FAM13A: variants seen among roughly 807,000 people sequenced by gnomAD.
FAM13A encodes the protein family with sequence similarity 13 member A.
A neutral mutation model predicts 129.6 loss-of-function variants in FAM13A; 76 were observed. The ratio of observed to expected loss-of-function variants is 0.59; its 90% CI spans 0.49 to 0.71. FAM13A has a LOEUF of 0.71. FAM13A is among the 30% of genes least tolerant of loss of function. FAM13A has a pLI of 0.00. For missense variants in FAM13A, 1,108 were observed against 1,249.3 expected (o/e 0.89, Z 1.70); for synonymous variants, 443 against 449.9 (o/e 0.98, Z 0.20).
At chr4:88,877,460 T>C (rs564648391) in intron 6 of FAM13A, among the ~76,000 whole-genome samples, 4 of 152,202 alleles carry the variant, frequency 2.6e-5, no homozygotes, top group East Asian at 1.9e-4. Context: ...GCCTGAATTA[T>C]TGTAGAAAGT....
rs1461124846 is a variant in FAM13A at position 88,727,570 on chromosome 4, T to A, written c.*963A>T. Reference sequence around the variant, plus strand: ...AAAAAAATTAAACTCTGGTAAGTACTCAGGAGGCTGAGAACACAGGCCCCT... The same window carrying A: ...AAAAAAATTAAACTCTGGTAAGTACACAGGAGGCTGAGAACACAGGCCCCT... On this transcript the variant is annotated 3_prime_UTR_variant, in exon 24 of 24. Coordinates refer to ENST00000264344, the MANE Select transcript of FAM13A (RefSeq NM_014883.4). The A allele has an allele frequency of 6.6e-6, 1 of 152,550 alleles. No homozygotes were observed. Among genetic ancestry groups the A allele is most frequent in the Non-Finnish European group, 1.5e-5 (1 of 68,054 alleles). The allele number at this position is 152,550 out of a possible 1,614,324, so 9.4% of individuals were successfully genotyped here.
intron 7 of FAM13A, among the ~76,000 whole-genome samples, chr4:88,812,873 T>C (rs1236799040): frequency 6.6e-6 from 1 of 152,196 alleles, no homozygotes. Context: ...TGATTAAATA[T>C]TTTGAAAACA....
chr4:88,874,443 C>A (rs1473739626), intron 6 of FAM13A, among the ~76,000 whole-genome samples: 1 of 152,184 alleles, frequency 6.6e-6, no homozygotes, highest in Non-Finnish European at 1.5e-5. Flanking sequence ...TCAGCAAAGT[C>A]TCTGGATACA....
intron 4 of FAM13A, among the ~76,000 whole-genome samples, chr4:88,981,872 T>C (rs776215126): frequency 1.1e-4 from 16 of 152,242 alleles, no homozygotes; most frequent in Non-Finnish European, 1.9e-4. Context: ...CTGACTCTTA[T>C]TTAACTGTTC....
chr4:88,845,909 T>TTGAAAAG (rs1363307011), intron 7 of FAM13A, among the ~76,000 whole-genome samples: 1 of 152,240 alleles, frequency 6.6e-6, no homozygotes, highest in East Asian at 1.9e-4. Flanking sequence ...TTAATATACA[T>TTGAAAAG]TGAAAAGTGA....
intron 7 of FAM13A, among the ~76,000 whole-genome samples, chr4:88,827,008 G>A (rs143352680): frequency 5.3e-5 from 8 of 152,178 alleles, no homozygotes; most frequent in Non-Finnish European, 1.0e-4. Flanking sequence ...CCCACTTACA[G>A]ACTTCCCCCA....
At chr4:89,034,868 T>C (rs1367315642) in intron 1 of FAM13A, among the ~76,000 whole-genome samples, 3 of 151,878 alleles carry the variant, frequency 2.0e-5, no homozygotes, top group Non-Finnish European at 2.9e-5. Flanking sequence ...GGTGACAGAG[T>C]GAGACTGTCT....
chr4:88,808,607 G>A (rs1729049454), intron 7 of FAM13A, among the ~76,000 whole-genome samples: 1 of 152,066 alleles, frequency 6.6e-6, no homozygotes, highest in Non-Finnish European at 1.5e-5. Context: ...CATGTTCTGT[G>A]AATGAAGAAG....
At chr4:89,015,001 C>T (rs998336158) in intron 3 of FAM13A, among the ~76,000 whole-genome samples, 1 of 152,128 alleles carries the variant, frequency 6.6e-6, no homozygotes, top group Non-Finnish European at 1.5e-5. Context: ...AGGAACAGCC[C>T]TGAGAAAGAG....
chr4:88,769,630 G>A (rs1165902744), intron 11 of FAM13A, among the ~76,000 whole-genome samples: 2 of 151,910 alleles, frequency 1.3e-5, no homozygotes, highest in East Asian at 1.9e-4. Context: ...TCAAGAGATC[G>A]AGACCATCCT....
chr4:88,906,125 T>G (rs1362232352), intron 6 of FAM13A, among the ~76,000 whole-genome samples: 1 of 151,974 alleles, frequency 6.6e-6, no homozygotes, highest in Non-Finnish European at 1.5e-5. Context: ...CCGTCTCTAC[T>G]AAAAATACAA....
Position 89,004,136 on chromosome 4 carries a change from G to T in FAM13A, c.428-12986C>A, listed in dbSNP as rs374891374. 2.6e-3 allele frequency among the ~76,000 whole-genome samples: 392 copies of T among 152,104 alleles called. 3 individuals are homozygous for T. The highest frequency in any genetic ancestry group is 9.3e-3 in the African/African-American group (384 of 41,512). ...TACCACACCTGGCCAGGGTCTGCTG[G>T]TTTTTTCTTTTCTTTTTTGTAAGAT... On this transcript the variant is annotated intron_variant, in intron 3 of 23. Transcript: ENST00000264344.
intron 3 of FAM13A, among the ~76,000 whole-genome samples, chr4:89,000,360 G>A (rs538590964): frequency 1.3e-5 from 2 of 152,172 alleles, no homozygotes; most frequent in African/African-American, 4.8e-5. Context: ...ATGCAGTACT[G>A]ATATATGTGA....
chr4:88,852,538 A>C (rs1445756742), intron 6 of FAM13A, among the ~76,000 whole-genome samples: 3 of 152,144 alleles, frequency 2.0e-5, no homozygotes, highest in African/African-American at 7.2e-5. Context: ...CCTTGATTAC[A>C]CATTGCCTGA....
chr4:88,860,113 C>T (rs1338904680), intron 6 of FAM13A, among the ~76,000 whole-genome samples: 1 of 151,938 alleles, frequency 6.6e-6, no homozygotes, highest in Non-Finnish European at 1.5e-5. Context: ...TTTAAGTGGA[C>T]CAAAAATAAT....
At position 88,908,237 on chromosome 4, in the gene FAM13A, G is replaced by A. The variant is rs150180244; in HGVS notation, c.760-1775C>T. Among the ~76,000 whole-genome samples, 654 of 152,284 alleles carry A rather than the reference G, an allele frequency of 4.3e-3. 5 individuals carry two copies. Among genetic ancestry groups the A allele is most frequent in the South Asian group, 0.035 (167 of 4,824 alleles). ...GGAAATAGTGAATGAACCCATTCCC[G>A]CTTCTGACTCACTGTGAGAGGGATA... On this transcript the variant is annotated intron_variant, in intron 5 of 23. Transcript: ENST00000264344.
rs70959640 is a variant in FAM13A at position 88,973,131 on chromosome 4, ATT to A, written c.605+17840_605+17841del. On this transcript the variant is annotated intron_variant, in intron 4 of 23. Coordinates refer to ENST00000264344, the MANE Select transcript of FAM13A (RefSeq NM_014883.4). ...GTTTGAAATGACAAGCCTAGGCATA[ATT>A]TTTTTTTTTTTTTTTGTCATTTATC... 4.8e-3 allele frequency among the ~76,000 whole-genome samples: 645 copies of A among 134,470 alleles called. 1 individual carries two copies. Among genetic ancestry groups the A allele is most frequent in the Non-Finnish European group, 5.9e-3 (375 of 63,552 alleles). 88.2% of individuals were successfully genotyped at this position (134,470 alleles called of 152,430 possible). A position where few individuals can be genotyped will look rare whatever the true frequency, so the allele number is the denominator to read the frequency against.
At chr4:88,877,129 G>A (rs749770405) in intron 6 of FAM13A, among the ~76,000 whole-genome samples, 1 of 152,202 alleles carries the variant, frequency 6.6e-6, no homozygotes, top group South Asian at 2.1e-4. Flanking sequence ...TGGTGCTTTT[G>A]CTCATATACA....
chr4:88,729,467 G>A (rs1010922335), intron 23 of FAM13A: 2 of 152,172 alleles, frequency 1.3e-5, no homozygotes, highest in African/African-American at 4.8e-5. Context: ...GCAAATATGG[G>A]TAAGGAGGAT....
Sources: gnomAD v4.1 joint callset for allele counts (sites outside exome capture counted in the v4.1 genomes callset) on GRCh38, gnomAD v4.1.1 for gene constraint, MANE v1.5 for transcripts, NCBI Gene and HGNC (gene_info 2026-07-23, HGNC 2026-07-21) for gene names.